Variants in MPPED2 observed in about 807,000 individuals in gnomAD.
MPPED2 encodes metallophosphoesterase domain containing 2.
MPPED2 carries 5 observed loss-of-function variants against 33.0 expected under a neutral mutation model. The observed-to-expected ratio is 0.15, with a 90% CI of 0.08 to 0.32. The LOEUF is 0.32. Among genes scored for constraint, MPPED2 ranks in the 10% least tolerant of loss-of-function variants. The pLI is 1.00. For synonymous variants in MPPED2, 136 were observed against 141.9 expected, an observed-to-expected ratio of 0.96 and a Z score of 0.29; for missense variants, 275 against 372.1, an observed-to-expected ratio of 0.74 and a Z score of 2.15.
Position 30,536,082 on chromosome 11 carries a change from C to T in MPPED2, c.222G>A (p.Gln74=). The change falls in exon 3 of 7, where the codon CAG becomes CAA. Residue 74 remains glutamine (Q), a synonymous_variant. Coordinates refer to ENST00000358117, the MANE Select transcript of MPPED2 (RefSeq NM_001584.3). ...GGAGAAGGATGTCCCCATAAGGCATCTGGATACCATCTGTTCTGGAGTGTG... is the reference window on the plus strand; with the variant it reads ...GGAGAAGGATGTCCCCATAAGGCATTTGGATACCATCTGTTCTGGAGTGTG... ...SDTHSRTDGI[Q]MPYGDILLHT... is the part of the protein sequence containing the mutation. 6.2e-7 allele frequency: 1 copy of T among 1,613,702 alleles called. No individual in the cohort carries two copies. Among genetic ancestry groups the T allele is most frequent in the Non-Finnish European group, 8.5e-7 (1 of 1,179,842 alleles).
chr11:30,557,015 A>C (rs1955994346), intron 2 of MPPED2, among the ~76,000 whole-genome samples: 1 of 151,762 alleles, frequency 6.6e-6, no homozygotes, highest in South Asian at 2.1e-4. Flanking sequence ...TTAGTTTTAC[A>C]CTCTAGGCTA....
intron 4 of MPPED2, among the ~76,000 whole-genome samples, chr11:30,494,765 G>GAAAA (rs1952170584): frequency 8.4e-6 from 1 of 118,534 alleles, no homozygotes; most frequent in Non-Finnish European, 1.8e-5. Context: ...AAAAAAGAAA[G>GAAAA]AAAGAAAGAA....
intron 3 of MPPED2, among the ~76,000 whole-genome samples, chr11:30,535,479 G>C (rs1482537188): frequency 6.6e-6 from 1 of 152,084 alleles, no homozygotes. Flanking sequence ...TATATCTCAT[G>C]TTTTCAGGGG....
chr11:30,579,083 C>T (rs748593856), intron 2 of MPPED2, among the ~76,000 whole-genome samples: 9 of 149,164 alleles, frequency 6.0e-5, no homozygotes, highest in African/African-American at 7.4e-5. Flanking sequence ...GTAACTGACT[C>T]GCTCTCCAGA....
intron 3 of MPPED2, chr11:30,504,734 A>C (rs1372826074): frequency 2.4e-6 from 3 of 1,272,444 alleles, no homozygotes; most frequent in Non-Finnish European, 3.1e-6. Flanking sequence ...GTTAATACTC[A>C]CACTTGCTGA....
Position 30,443,270 on chromosome 11 carries a change from G to A in MPPED2, c.537-25637C>T, listed in dbSNP as rs921308030. ...AACTGAGGCTTACTGCTTGCTCCAC[G>A]TCAGGCATTGGACAGAATTCTTTAA... On this transcript the variant is annotated intron_variant, in intron 4 of 6. Coordinates refer to ENST00000358117, the MANE Select transcript of MPPED2 (RefSeq NM_001584.3). 4.6e-5 allele frequency among the ~76,000 whole-genome samples: 7 copies of A among 152,134 alleles called. No homozygotes were observed. The East Asian group carries it at 5.8e-4, about 13-fold the overall frequency.
chr11:30,580,508 A>G lies in MPPED2; in HGVS notation c.-121-14T>C. ...CGCTGTGCATTTCTGAAAGAAAAAA[A>G]AAATGTATATAAAATGAGAACAAAG... On this transcript the variant is annotated splice_polypyrimidine_tract_variant and intron_variant, in intron 1 of 6. Coordinates refer to ENST00000358117, the MANE Select transcript of MPPED2 (RefSeq NM_001584.3). The G allele has an allele frequency of 2.1e-6, 3 of 1,427,088 alleles. No homozygotes were observed. The highest frequency in any genetic ancestry group is 2.8e-6 in the Non-Finnish European group (3 of 1,086,314). 88.4% of individuals were successfully genotyped at this position (1,427,088 alleles called of 1,614,324 possible). A position where few individuals can be genotyped will look rare whatever the true frequency, so the allele number is the denominator to read the frequency against.
chr11:30,390,372 C>G (rs1255370330), intron 6 of MPPED2, among the ~76,000 whole-genome samples: 1 of 152,204 alleles, frequency 6.6e-6, no homozygotes, highest in Admixed American at 6.5e-5. Flanking sequence ...ACTGGTCTGT[C>G]TCTTTAAGGA....
intron 5 of MPPED2, among the ~76,000 whole-genome samples, chr11:30,417,164 C>T (rs879662823): frequency 4.6e-5 from 7 of 152,126 alleles, no homozygotes; most frequent in Admixed American, 1.3e-4. Flanking sequence ...TTCAAAAGCC[C>T]TGTGATTGGG....
chr11:30,481,272 C>T (rs940639291), intron 4 of MPPED2, among the ~76,000 whole-genome samples: 2 of 152,124 alleles, frequency 1.3e-5, no homozygotes, highest in Non-Finnish European at 2.9e-5. Context: ...AGCCAGGTTA[C>T]ATAAGTTATA....
chr11:30,397,404 T>G (rs1372184933), intron 6 of MPPED2, among the ~76,000 whole-genome samples: 4 of 152,140 alleles, frequency 2.6e-5, no homozygotes, highest in Admixed American at 6.6e-5. Flanking sequence ...ATGTATTTAT[T>G]TTGCTGTTAA....
intron 4 of MPPED2, among the ~76,000 whole-genome samples, chr11:30,467,845 C>G (rs534085856): frequency 6.6e-6 from 1 of 152,256 alleles, no homozygotes; most frequent in East Asian, 1.9e-4. Context: ...TCAAGAGATG[C>G]AGCTGTGGAA....
chr11:30,399,162 CT>C (rs11331183), intron 6 of MPPED2, among the ~76,000 whole-genome samples: 99,273 of 150,816 alleles, frequency 0.66, 33,165 homozygotes, highest in Non-Finnish European at 0.73. Flanking sequence ...AGATCCAATA[CT>C]TTTTTTTTTA....
intron 6 of MPPED2, among the ~76,000 whole-genome samples, chr11:30,397,981 C>T (rs1947859622): frequency 6.6e-6 from 1 of 152,112 alleles, no homozygotes; most frequent in Admixed American, 6.5e-5. Flanking sequence ...CTTAGCTTGA[C>T]CAATTCCTTC....
At chr11:30,460,500 G>T (rs1239962355) in intron 4 of MPPED2, among the ~76,000 whole-genome samples, 1 of 152,064 alleles carries the variant, frequency 6.6e-6, no homozygotes, top group Non-Finnish European at 1.5e-5. Flanking sequence ...TGGTGCACCT[G>T]TAGTCCCAGC....
intron 2 of MPPED2, among the ~76,000 whole-genome samples, chr11:30,557,225 A>ATATATATATAATATATATATT (rs1555003739): frequency 7.1e-6 from 1 of 141,702 alleles, no homozygotes; most frequent in African/African-American, 3.1e-5. Flanking sequence ...ATATATATAT[A>ATATATATATAATATATATATT]ATATATATAT....
chr11:30,566,279 T>A (rs1022246550), intron 2 of MPPED2, among the ~76,000 whole-genome samples: 8 of 152,172 alleles, frequency 5.3e-5, no homozygotes, highest in Non-Finnish European at 1.0e-4. Flanking sequence ...TAAAACAATA[T>A]ACTTTCCGAT....
At chr11:30,384,117 G>A (rs545808558), downstream of MPPED2, among the ~76,000 whole-genome samples, 2 of 151,706 alleles carry the variant, frequency 1.3e-5, no homozygotes, top group Non-Finnish European at 2.9e-5. Context: ...CATCTACATT[G>A]AGTGCCTATT....
chr11:30,472,216 C>G (rs374004324), intron 4 of MPPED2, among the ~76,000 whole-genome samples: 2 of 152,166 alleles, frequency 1.3e-5, no homozygotes, highest in East Asian at 3.9e-4. Flanking sequence ...AAAAAACCAG[C>G]CAGAGGTTGT....
Sources: allele counts gnomAD v4.1 joint callset (sites outside exome capture counted in the v4.1 genomes callset), GRCh38; gene constraint gnomAD v4.1.1; transcripts MANE v1.5; gene names NCBI Gene and HGNC (gene_info 2026-07-23, HGNC 2026-07-21).